BCCIP: variants seen among roughly 807,000 people sequenced by gnomAD.
BCCIP encodes BRCA2 and CDKN1A-interacting protein.
In BCCIP, 23 loss-of-function variants were observed where a neutral mutation model predicts 32.8. That is an observed-to-expected ratio of 0.70 (90% CI 0.51 to 0.99). BCCIP has a LOEUF of 0.99. Ranked by LOEUF, BCCIP falls within the 50% of genes least tolerant of loss-of-function variation. The pLI is 0.00. For synonymous variants in BCCIP, 144 were observed against 137.6 expected (o/e 1.05, Z -0.33); for missense variants, 378 against 379.8 (o/e 1.00, Z 0.04).
chr10:125,838,884 A>G (rs1037227964), downstream of BCCIP: 8 of 1,192,176 alleles, frequency 6.7e-6, no homozygotes, highest in African/African-American at 1.5e-5. Flanking sequence ...TAATAATAAC[A>G]TGGATTTTTA....
At chr10:125,840,668 G>A (rs1854852397), downstream of BCCIP, among the ~76,000 whole-genome samples, 1 of 152,266 alleles carries the variant, frequency 6.6e-6, no homozygotes, top group African/African-American at 2.4e-5. Context: ...TGGGAGCAGG[G>A]GGACTGAGCA....
chr10:125,842,222 A>G (rs1175922583), exon 7 of BCCIP: 1 of 357,150 alleles, frequency 2.8e-6, no homozygotes, highest in South Asian at 3.7e-5. Flanking sequence ...TGCAGTAGGA[A>G]AACAATGCCA....
At chr10:125,838,292 C>A, downstream of BCCIP, 1 of 1,613,984 alleles carries the variant, frequency 6.2e-7, no homozygotes, top group Non-Finnish European at 8.5e-7. Flanking sequence ...CTGGCATCTT[C>A]TTGGTGATTG....
chr10:125,848,884 A>G (rs908862457), intron 7 of BCCIP, among the ~76,000 whole-genome samples: 1 of 152,198 alleles, frequency 6.6e-6, no homozygotes, highest in Non-Finnish European at 1.5e-5. Context: ...GATTATCCTC[A>G]TATTCAGATA....
rs1564814528 is a variant in BCCIP at position 125,823,586 on chromosome 10, TGGAAAGTGGG to T, written c.31_40del (p.Glu11PhefsTer44). ...GCGTCCAGGTCTAAGCGGCGTGCCG[TGGAAAGTGGG>T]GTTCCGCAGCCGCCGGATCCCCCAG... On this transcript the variant is annotated frameshift_variant, in exon 1 of 7. Transcript: ENST00000278100. LOFTEE classifies it high-confidence loss of function. 3.1e-6 allele frequency: 5 copies of T among 1,613,452 alleles called. No homozygotes were observed. In the African/African-American group the frequency reaches 5.4e-5, roughly 17 times the overall value.
downstream of BCCIP, among the ~76,000 whole-genome samples, chr10:125,845,685 C>G (rs1431101922): frequency 6.6e-6 from 1 of 152,208 alleles, no homozygotes; most frequent in African/African-American, 2.4e-5. Flanking sequence ...GATAGAGTGG[C>G]CTCCATGGTA....
chr10:125,826,010 A>T (rs1333755772), intron 1 of BCCIP: 1 of 153,862 alleles, frequency 6.5e-6, no homozygotes, highest in African/African-American at 2.4e-5. Flanking sequence ...TTCTTGCTCA[A>T]ATGTCACTTC....
downstream of BCCIP, among the ~76,000 whole-genome samples, chr10:125,843,468 C>T (rs751569184): frequency 4.6e-5 from 7 of 152,032 alleles, no homozygotes; most frequent in African/African-American, 7.2e-5. Context: ...AAAAATTAGC[C>T]GGGCGTGGTG....
chr10:125,833,843 A>G lies in BCCIP; in HGVS notation c.671A>G (p.Lys224Arg). 6.2e-7 allele frequency: 1 copy of G among 1,614,260 alleles called. No individual in the cohort carries two copies. The highest frequency in any genetic ancestry group is 8.5e-7 in the Non-Finnish European group (1 of 1,180,042). Residue 224 changes from lysine (K) to arginine (R), a missense_variant, in exon 6 of 7, where the codon AAG (lysine) becomes AGG (arginine). By Grantham distance (26) the Lys-to-Arg change is conservative. Transcript: ENST00000278100. ...TGCTACTTTTACCTTCTGATTAGTA[A>G]GACATTTGTGGAAGCAGGAAAAAAC... Reference protein sequence around the residue: ...GKCYFYLLISKTFVEAGKNNS... With the variant: ...GKCYFYLLISRTFVEAGKNNS...
intron 7 of BCCIP, among the ~76,000 whole-genome samples, chr10:125,851,251 A>T (rs1365617431): frequency 1.3e-5 from 2 of 151,368 alleles, no homozygotes; most frequent in East Asian, 3.9e-4. Context: ...GAATTAATCC[A>T]CAGTTATATT....
downstream of BCCIP, among the ~76,000 whole-genome samples, chr10:125,837,137 C>T (rs1854717030): frequency 6.6e-6 from 1 of 152,144 alleles, no homozygotes. Context: ...TAGTATTTCC[C>T]CTAAGGCCCA....
intron 6 of BCCIP, 56 bp from the exon 7 acceptor site, chr10:125,836,048 G>A (rs942981265): frequency 1.4e-6 from 2 of 1,451,140 alleles, no homozygotes; most frequent in African/African-American, 2.8e-5. Context: ...TAGATCAAAT[G>A]GGTTTTGTCT....
At chr10:125,826,535 A>G (rs2134006240) in intron 1 of BCCIP, 56 bp from the exon 2 acceptor site, 1 of 1,604,072 alleles carries the variant, frequency 6.2e-7, no homozygotes, top group East Asian at 2.2e-5. Flanking sequence ...TGCCTGTTTT[A>G]AAGTCTAGAT....
chr10:125,831,711 T>A, intron 5 of BCCIP, 104 bp downstream of exon 5: 1 of 1,171,068 alleles, frequency 8.5e-7, no homozygotes, highest in Non-Finnish European at 1.2e-6. Context: ...AGTTCTGTCC[T>A]TGGTTTAAGT....
downstream of BCCIP, chr10:125,838,104 A>C: frequency 9.2e-7 from 1 of 1,086,860 alleles, no homozygotes; most frequent in East Asian, 2.5e-5. Flanking sequence ...AGATTGCATC[A>C]GTATAAACTT....
At chr10:125,841,846 G>T in exon 7 of BCCIP, 1 of 1,613,694 alleles carries the variant, frequency 6.2e-7, no homozygotes, top group Non-Finnish European at 8.5e-7. Flanking sequence ...ACTCTGACAT[G>T]ATGATTCCAA....
chr10:125,836,142 G>A lies in BCCIP; in HGVS notation c.813G>A (p.Glu271=). The change falls in exon 7 of 7, where the codon GAG becomes GAA. Residue 271 remains glutamate (E), a synonymous_variant. Coordinates refer to ENST00000278100, the MANE Select transcript of BCCIP (RefSeq NM_078468.3). ...ILKFNYSVQE[E]SDTCLGGKWS... is the part of the protein sequence containing the mutation. ...AGTTCAACTACTCAGTGCAGGAGGAGAGCGACACTTGTCTGGGAGGCAAAT... is the reference window on the plus strand; with the variant it reads ...AGTTCAACTACTCAGTGCAGGAGGAAAGCGACACTTGTCTGGGAGGCAAAT... The A allele has an allele frequency of 6.2e-7, 1 of 1,614,200 alleles. No individual in the cohort carries two copies. The highest frequency in any genetic ancestry group is 8.5e-7 in the Non-Finnish European group (1 of 1,180,010).
At chr10:125,850,083 A>G (rs1944070312) in intron 7 of BCCIP, among the ~76,000 whole-genome samples, 1 of 151,352 alleles carries the variant, frequency 6.6e-6, no homozygotes, top group Non-Finnish European at 1.5e-5. Context: ...CTCCTGACTC[A>G]GCTTCCCAAA....
exon 7 of BCCIP, chr10:125,842,743 G>C: frequency 1.2e-6 from 1 of 826,832 alleles, no homozygotes; most frequent in Non-Finnish European, 1.5e-6. Flanking sequence ...GATCTCAGAT[G>C]CTAGAAATAG....
Sources: allele counts gnomAD v4.1 joint callset (sites outside exome capture counted in the v4.1 genomes callset), GRCh38; gene constraint gnomAD v4.1.1; transcripts MANE v1.5; gene names NCBI Gene and HGNC (gene_info 2026-07-23, HGNC 2026-07-21).